The following PLCH1 variants were observed in gnomAD, a reference collection of about 807,000 sequenced individuals.
The protein encoded by PLCH1 is phospholipase C eta 1.
A neutral mutation model predicts 126.7 loss-of-function variants in PLCH1; 60 were observed. That is an observed-to-expected ratio of 0.47 (90% CI 0.38 to 0.59). The LOEUF (loss-of-function observed/expected upper bound fraction) is 0.59. PLCH1 is among the 20% of genes least tolerant of loss of function. PLCH1 has a pLI of 0.00. For synonymous variants in PLCH1, 719 were observed against 734.9 expected (o/e 0.98, Z 0.35); for missense variants, 1,723 against 2,040.0 (o/e 0.84, Z 2.99).
At chr3:155,599,499 G>C (rs1217622782) in intron 2 of PLCH1, among the ~76,000 whole-genome samples, 1 of 152,136 alleles carries the variant, frequency 6.6e-6, no homozygotes, top group East Asian at 1.9e-4. Flanking sequence ...AGGTTGTGGG[G>C]GGACTGGGGA....
At position 155,482,008 on chromosome 3, in the gene PLCH1, G is replaced by C. The variant is rs1188266624; in HGVS notation, c.4018C>G (p.Pro1340Ala). The change falls in exon 23 of 23, where the codon CCC becomes GCC. Residue 1340 changes from proline (P) to alanine (A), a missense_variant. By Grantham distance (27) the Pro-to-Ala change is conservative. This residue lies in a region of PLCH1 where 947 missense variants were observed against 977.1 expected (regional missense o/e 0.97). Coordinates refer to ENST00000460012, the MANE Select transcript of PLCH1 (RefSeq NM_014996.4). ...TCCCCAGAATTGAAACAGAGAGTGG[G>C]ATCAGCTATTACATCCTCCAGGGTC... Reference protein sequence around the residue: ...DLTLEDVIADPTLCFNSGESS... With the variant: ...DLTLEDVIADATLCFNSGESS... 3 of 1,613,950 alleles carry C rather than the reference G, an allele frequency of 1.9e-6. No individual in the cohort carries two copies. The highest frequency in any genetic ancestry group is 2.5e-6 in the Non-Finnish European group (3 of 1,179,966).
intron 5 of PLCH1, among the ~76,000 whole-genome samples, chr3:155,585,855 A>G (rs1731290839): frequency 6.6e-6 from 1 of 152,208 alleles, no homozygotes; most frequent in African/African-American, 2.4e-5. Flanking sequence ...GATAACAAAA[A>G]AGCGTTTTAG....
intron 5 of PLCH1, among the ~76,000 whole-genome samples, chr3:155,584,997 C>A (rs1279399534): frequency 6.6e-6 from 1 of 152,114 alleles, no homozygotes; most frequent in African/African-American, 2.4e-5. Context: ...GCAAACCTTC[C>A]CATATGTTTA....
chr3:155,702,965 G>A (rs1451831366), intron 2 of PLCH1, among the ~76,000 whole-genome samples: 1 of 152,098 alleles, frequency 6.6e-6, no homozygotes, highest in Admixed American at 6.5e-5. Context: ...CTTCACCACT[G>A]GAATGTCAAG....
chr3:155,514,569 T>C (rs1053444815), intron 12 of PLCH1, among the ~76,000 whole-genome samples, 154 bp downstream of exon 12: 1 of 152,214 alleles, frequency 6.6e-6, no homozygotes, highest in Non-Finnish European at 1.5e-5. Flanking sequence ...TAACTATTTC[T>C]CATATCATTT....
intron 12 of PLCH1, among the ~76,000 whole-genome samples, chr3:155,506,342 T>A (rs1576855300): frequency 7.7e-6 from 1 of 130,054 alleles, no homozygotes; most frequent in African/African-American, 3.7e-5. Context: ...CCATTCTCAC[T>A]CTCTTTTTTT....
intron 2 of PLCH1, among the ~76,000 whole-genome samples, chr3:155,683,949 C>T (rs1744730903): frequency 6.6e-6 from 1 of 152,156 alleles, no homozygotes; most frequent in Non-Finnish European, 1.5e-5. Context: ...TTGTATTCTC[C>T]AGCACTCCAG....
chr3:155,589,410 ATT>A (rs1411485214), intron 4 of PLCH1, among the ~76,000 whole-genome samples: 1 of 152,070 alleles, frequency 6.6e-6, no homozygotes, highest in Non-Finnish European at 1.5e-5. Context: ...ATTTCAAGTA[ATT>A]TTCACAGGTC....
chr3:155,575,792 G>C (rs1433097740), intron 6 of PLCH1, among the ~76,000 whole-genome samples: 1 of 152,076 alleles, frequency 6.6e-6, no homozygotes, highest in Non-Finnish European at 1.5e-5. Context: ...AAGTAGCTGG[G>C]ACTAAGGGCA....
intron 12 of PLCH1, among the ~76,000 whole-genome samples, chr3:155,506,673 G>T (rs1346591795): frequency 6.7e-6 from 1 of 148,236 alleles, no homozygotes. Flanking sequence ...CCCTACAAAG[G>T]ACATGAACTC....
In PLCH1 at chr3:155,593,243, G is replaced by A. The variant is rs1732451093; in HGVS notation, c.470+698C>T. 2.6e-5 allele frequency among the ~76,000 whole-genome samples: 4 copies of A among 152,124 alleles called. No individual in the cohort carries two copies. The South Asian group carries it at 8.3e-4, about 32-fold the overall frequency. On this transcript the variant is annotated intron_variant, in intron 4 of 22. Transcript: ENST00000460012. ...AGATAAGGAAACTGAGGCCAGAAAG[G>A]CCTTGCTATATGCCCAGTCAATCCC...
intron 10 of PLCH1, 135 bp downstream of exon 10, chr3:155,549,652 C>T (rs769280894): frequency 6.4e-6 from 4 of 628,852 alleles, no homozygotes; most frequent in Non-Finnish European, 1.1e-5. Context: ...GAATAAGGCG[C>T]ATACATAGAT....
chr3:155,492,344 G>C (rs1335960512), intron 18 of PLCH1, among the ~76,000 whole-genome samples: 1 of 152,204 alleles, frequency 6.6e-6, no homozygotes, highest in African/African-American at 2.4e-5. Context: ...GCAGGTGGCT[G>C]ATGTGCAGCA....
rs564316054 is a variant in PLCH1, at chr3:155,602,051, T to TGCTAAACTCTTCCAC, written c.80-5688_80-5674dup. ...TCCTTCCTCCAGCCCCGCCACATCATGCTAAACTCTTCCACTGGCACTTCG... is the reference window on the plus strand; with the variant it reads ...TCCTTCCTCCAGCCCCGCCACATCATGCTAAACTCTTCCACGCTAAACTCTTCCACTGGCACTTCG... On this transcript the variant is annotated intron_variant, in intron 2 of 22. Transcript: ENST00000460012. Among the ~76,000 whole-genome samples the TGCTAAACTCTTCCAC allele has an allele frequency of 4.6e-3, 708 of 152,276 alleles. 7 individuals are homozygous for TGCTAAACTCTTCCAC. Among genetic ancestry groups the TGCTAAACTCTTCCAC allele is most frequent in the African/African-American group, 0.017 (691 of 41,560 alleles).
Position 155,523,932 on chromosome 3 carries a change from C to A in PLCH1, c.1435G>T (p.Glu479Ter). 1 of 1,607,254 alleles carries A rather than the reference C, an allele frequency of 6.2e-7. No individual in the cohort carries two copies. Among genetic ancestry groups the A allele is most frequent in the Admixed American group, 1.7e-5 (1 of 58,444 alleles). The change falls in exon 11 of 23, where the codon GAA (glutamate) becomes TAA (stop). Residue 479 changes from glutamate to a stop codon, truncating the protein, a stop_gained. Transcript: ENST00000460012. LOFTEE classifies it high-confidence loss of function. ...TTGAATTTGCACTCGTCTTCAATTT[C>A]ATCTGCACTGTCCTCATCAGAAACT... ...GEVSDEDSAD[E>*]IEDECKFKLH...
chr3:155,622,842 T>C (rs2203811), intron 2 of PLCH1, among the ~76,000 whole-genome samples: 73,822 of 151,958 alleles, frequency 0.49, 20,317 homozygotes, highest in African/African-American at 0.74. Flanking sequence ...CTGTCAATAT[T>C]AGACAGATCA....
chr3:155,586,407 G>A (rs982640724), intron 4 of PLCH1, among the ~76,000 whole-genome samples: 2 of 152,146 alleles, frequency 1.3e-5, no homozygotes, highest in Non-Finnish European at 1.5e-5. Flanking sequence ...AACACATAAA[G>A]GGGGTAAGGG....
chr3:155,627,151 C>T (rs1559864342), intron 2 of PLCH1, among the ~76,000 whole-genome samples: 1 of 152,094 alleles, frequency 6.6e-6, no homozygotes, highest in South Asian at 2.1e-4. Flanking sequence ...TATGAATTAG[C>T]GACGTTATTT....
chr3:155,474,670 A>G (rs1235725800), intron 21 of PLCH1, among the ~76,000 whole-genome samples: 1 of 129,682 alleles, frequency 7.7e-6, no homozygotes, highest in Non-Finnish European at 1.6e-5. Flanking sequence ...AAGACTTGGA[A>G]CCAACCCAAA....
Sources: gnomAD v4.1 joint callset for allele counts (sites outside exome capture counted in the v4.1 genomes callset) on GRCh38, gnomAD v4.1.1 for gene constraint, gnomAD v4.1.1 regional missense constraint, MANE v1.5 for transcripts, NCBI Gene and HGNC (gene_info 2026-07-23, HGNC 2026-07-21) for gene names.